Variants in REDIC1 observed in about 807,000 individuals in gnomAD.
REDIC1 encodes regulator of DNA class I crossover intermediates 1, also known as HEI10 Interacting Protein 1.
the REDIC1 span, chr12:39,682,968 C>G: frequency 6.2e-7 from 1 of 1,613,418 alleles, no homozygotes; most frequent in East Asian, 2.2e-5. Flanking sequence ...GCATTAGAAA[C>G]ATTTTTACAG....
At chr12:39,812,624 G>A in the REDIC1 span, among the ~76,000 whole-genome samples, 59 of 150,420 alleles carry the variant, frequency 3.9e-4, no homozygotes, top group Non-Finnish European at 5.9e-4. Flanking sequence ...AGGCGCCCAC[G>A]GCTACGCCCG....
At chr12:39,769,003 C>A in the REDIC1 span, among the ~76,000 whole-genome samples, 3 of 152,086 alleles carry the variant, frequency 2.0e-5, no homozygotes, top group Non-Finnish European at 4.4e-5. Flanking sequence ...CCATTTTTCA[C>A]CATTTGAGTT....
At chr12:39,790,405 A>G in the REDIC1 span, among the ~76,000 whole-genome samples, 2 of 129,936 alleles carry the variant, frequency 1.5e-5, no homozygotes, top group South Asian at 4.9e-4. Context: ...AGAGTGTGAT[A>G]TTCCCTTCCT....
chr12:39,801,493 T>A, the REDIC1 span, among the ~76,000 whole-genome samples: 3 of 152,184 alleles, frequency 2.0e-5, no homozygotes, highest in Admixed American at 6.5e-5. Context: ...ATAGTCTAAT[T>A]TCTCTTGGCA....
the REDIC1 span, among the ~76,000 whole-genome samples, chr12:39,653,538 T>TCTTCTTCTTCTTCTTCTTCTTCTTC: frequency 6.0e-5 from 4 of 66,612 alleles, no homozygotes; most frequent in Non-Finnish European, 1.4e-4. Flanking sequence ...TTCTTCTTCT[T>TCTTCTTCTTCTTCTTCTTCTTCTTC]TTTCTTCTTC....
chr12:39,683,312 C>A, the REDIC1 span: 1 of 1,101,324 alleles, frequency 9.1e-7, no homozygotes, highest in Non-Finnish European at 1.3e-6. Flanking sequence ...CATTGTGGAC[C>A]AGTGGTTTTC....
the REDIC1 span, chr12:39,682,879 T>A: frequency 6.2e-7 from 1 of 1,612,852 alleles, no homozygotes; most frequent in Admixed American, 1.7e-5. Flanking sequence ...AAAGAAAACA[T>A]TTAACAAGTG....
the REDIC1 span, among the ~76,000 whole-genome samples, chr12:39,905,204 A>G: frequency 2.4e-3 from 366 of 152,276 alleles, 1 homozygote; most frequent in African/African-American, 8.5e-3. Context: ...TGAACACTGT[A>G]CTAAAGAAAA....
At chr12:39,691,624 C>T in the REDIC1 span, among the ~76,000 whole-genome samples, 1 of 151,986 alleles carries the variant, frequency 6.6e-6, no homozygotes, top group African/African-American at 2.4e-5. Flanking sequence ...AAACCAAAAC[C>T]AATAGTGTGT....
chr12:39,907,023 G>C, the REDIC1 span, among the ~76,000 whole-genome samples: 1 of 152,048 alleles, frequency 6.6e-6, no homozygotes, highest in Admixed American at 6.6e-5. Flanking sequence ...TTATTTATTA[G>C]AAGATACAAT....
chr12:39,711,839 GT>G, the REDIC1 span, among the ~76,000 whole-genome samples: 1 of 67,448 alleles, frequency 1.5e-5, no homozygotes, highest in Non-Finnish European at 2.9e-5. Context: ...GTATATGTGT[GT>G]ATACACATGC....
At chr12:39,661,277 T>G in the REDIC1 span, among the ~76,000 whole-genome samples, 8 of 152,134 alleles carry the variant, frequency 5.3e-5, no homozygotes, top group African/African-American at 1.9e-4. Flanking sequence ...TCACCAACAG[T>G]GTATGAGAGT....
At chr12:39,851,888 A>C in the REDIC1 span, among the ~76,000 whole-genome samples, 1 of 152,228 alleles carries the variant, frequency 6.6e-6, no homozygotes, top group African/African-American at 2.4e-5. Flanking sequence ...CTTGTGCTAA[A>C]ATATAAATAA....
the REDIC1 span, among the ~76,000 whole-genome samples, chr12:39,842,745 G>A: frequency 6.6e-6 from 1 of 151,898 alleles, no homozygotes; most frequent in African/African-American, 2.4e-5. Context: ...CATTTTCATT[G>A]CTCAAGAATA....
the REDIC1 span, among the ~76,000 whole-genome samples, chr12:39,773,746 A>T: frequency 6.6e-6 from 1 of 152,204 alleles, no homozygotes; most frequent in Admixed American, 6.5e-5. Flanking sequence ...AAGAAATATG[A>T]CCTGTGTATA....
chr12:39,725,251 G>A, the REDIC1 span, among the ~76,000 whole-genome samples: 1 of 152,098 alleles, frequency 6.6e-6, no homozygotes, highest in Non-Finnish European at 1.5e-5. Context: ...TTCCAAAATT[G>A]TGTTTCCAGC....
At chr12:39,752,746 G>T in the REDIC1 span, among the ~76,000 whole-genome samples, 1 of 152,138 alleles carries the variant, frequency 6.6e-6, no homozygotes, top group African/African-American at 2.4e-5. Flanking sequence ...GTTCCCTGAG[G>T]TGGAAATAAG....
At chr12:39,705,415 AT>A in the REDIC1 span, among the ~76,000 whole-genome samples, 109 of 152,188 alleles carry the variant, frequency 7.2e-4, no homozygotes, top group African/African-American at 2.2e-3. Context: ...CCTACTAAAA[AT>A]ATTCTGAAAA....
chr12:39,761,411 GT>G, the REDIC1 span, among the ~76,000 whole-genome samples: 1 of 152,032 alleles, frequency 6.6e-6, no homozygotes, highest in Admixed American at 6.6e-5. Flanking sequence ...TTGCCCAACT[GT>G]AAAGAATAGA....
Sources: allele counts gnomAD v4.1 joint callset (sites outside exome capture counted in the v4.1 genomes callset), GRCh38; gene constraint gnomAD v4.1.1; transcripts MANE v1.5; gene names NCBI Gene and HGNC (gene_info 2026-07-23, HGNC 2026-07-21).